APBA1: variants seen among roughly 807,000 people sequenced by gnomAD.
APBA1 encodes amyloid-beta A4 precursor protein-binding family A member 1.
APBA1 carries 55 observed loss-of-function variants against 86.6 expected under a neutral mutation model. The ratio of observed to expected loss-of-function variants is 0.64; its 90% CI spans 0.51 to 0.80. The LOEUF (loss-of-function observed/expected upper bound fraction) is 0.80. Ranked by LOEUF, APBA1 falls within the 30% of genes least tolerant of loss-of-function variation. The pLI, the probability that APBA1 is intolerant of heterozygous loss-of-function variation, is 0.00. For synonymous variants in APBA1, 511 were observed against 493.9 expected (o/e 1.03, Z -0.46); for missense variants, 1,090 against 1,183.0 (o/e 0.92, Z 1.15).
intron 1 of APBA1, among the ~76,000 whole-genome samples, chr9:69,606,165 C>T (rs1822467079): frequency 6.6e-6 from 1 of 152,374 alleles, no homozygotes; most frequent in South Asian, 2.1e-4. Flanking sequence ...AATATCAGTG[C>T]AGCCAAAGAG....
intron 1 of APBA1, among the ~76,000 whole-genome samples, chr9:69,583,217 G>A (rs1821950252): frequency 6.6e-6 from 1 of 152,198 alleles, no homozygotes; most frequent in Admixed American, 6.5e-5. Flanking sequence ...CATGCTGCTT[G>A]CAAGCAGTTG....
At chr9:69,669,730 C>T (rs1219837753) in intron 1 of APBA1, among the ~76,000 whole-genome samples, 1 of 152,144 alleles carries the variant, frequency 6.6e-6, no homozygotes, top group Admixed American at 6.5e-5. Flanking sequence ...GCTATGATCA[C>T]ACTACTGCAC....
intron 1 of APBA1, among the ~76,000 whole-genome samples, chr9:69,614,288 C>CT (rs1400624291): frequency 1.4e-4 from 21 of 152,244 alleles, no homozygotes; most frequent in Admixed American, 5.9e-4. Context: ...TTGAGACTTT[C>CT]TAGTCAGGCC....
chr9:69,572,626 C>T (rs1003301566), intron 1 of APBA1, among the ~76,000 whole-genome samples: 15 of 152,192 alleles, frequency 9.9e-5, no homozygotes, highest in South Asian at 2.1e-4. Context: ...CTTGTCTGGG[C>T]TAGGTGCCTG....
chr9:69,621,208 G>A (rs1430374866), intron 1 of APBA1, among the ~76,000 whole-genome samples: 1 of 152,186 alleles, frequency 6.6e-6, no homozygotes, highest in Non-Finnish European at 1.5e-5. Context: ...TGGCTGCCTG[G>A]CCATCTAGTC....
Position 69,669,426 on chromosome 9 carries a change from T to C in APBA1, c.-70+2727A>G, listed in dbSNP as rs575785126. On this transcript the variant is annotated intron_variant, in intron 1 of 12. Coordinates refer to ENST00000265381, the MANE Select transcript of APBA1 (RefSeq NM_001163.4). Reference sequence around the variant, plus strand: ...GCTCAATAATGGAAGAGAAAAGCACTGATGCTACTTTAAGTGAAGGAAAGG... The same window carrying C: ...GCTCAATAATGGAAGAGAAAAGCACCGATGCTACTTTAAGTGAAGGAAAGG... 4.6e-5 allele frequency among the ~76,000 whole-genome samples: 7 copies of C among 152,256 alleles called. No individual in the cohort carries two copies. In the East Asian group the frequency reaches 1.3e-3, roughly 29 times the overall value.
intron 1 of APBA1, among the ~76,000 whole-genome samples, chr9:69,660,510 T>C (rs1279024412): frequency 1.3e-5 from 2 of 152,208 alleles, no homozygotes; most frequent in Non-Finnish European, 2.9e-5. Context: ...TTGGTTTTGT[T>C]TGTCTGTTTG....
intron 1 of APBA1, among the ~76,000 whole-genome samples, chr9:69,548,489 G>A (rs1210284378): frequency 1.3e-5 from 2 of 152,206 alleles, no homozygotes; most frequent in Non-Finnish European, 2.9e-5. Flanking sequence ...GGTTGGCAGA[G>A]GCTGCAAGCT....
chr9:69,499,681 T>C (rs1178745292), intron 2 of APBA1, among the ~76,000 whole-genome samples: 1 of 131,804 alleles, frequency 7.6e-6, no homozygotes, highest in African/African-American at 2.7e-5. Flanking sequence ...AAAAAAAAAA[T>C]CCATGTCGGT....
At chr9:69,574,990 T>C (rs1180246064) in intron 1 of APBA1, among the ~76,000 whole-genome samples, 1 of 152,094 alleles carries the variant, frequency 6.6e-6, no homozygotes, top group East Asian at 1.9e-4. Flanking sequence ...TCTCAGCTCA[T>C]TGCAGCCCCT....
At chr9:69,658,536 G>C (rs965904457) in intron 1 of APBA1, among the ~76,000 whole-genome samples, 2 of 150,090 alleles carry the variant, frequency 1.3e-5, no homozygotes, top group African/African-American at 4.9e-5. Flanking sequence ...CTGAGTAGCT[G>C]GGATTACAGG....
At chr9:69,662,021 A>AACACACAC (rs3069250) in intron 1 of APBA1, among the ~76,000 whole-genome samples, 30 of 146,650 alleles carry the variant, frequency 2.0e-4, no homozygotes, top group African/African-American at 5.6e-4. Flanking sequence ...GACAAACAGT[A>AACACACAC]ACACACACAC....
In APBA1 at chr9:69,517,074, T is replaced by TGCTGCTGCTGCGGCG. The variant is rs773305897; in HGVS notation, c.122_136dup (p.Pro41_Gln45dup). The TGCTGCTGCTGCGGCG allele has an allele frequency of 5.0e-6, 8 of 1,584,394 alleles. No individual in the cohort carries two copies. The South Asian group carries it at 8.0e-5, about 16-fold the overall frequency. ...CCCGCGCTGGTGGCGGCCCACATAGTGCTGCTGCTGCGGCGGCTGCTGCTG... is the reference window on the plus strand; with the variant it reads ...CCCGCGCTGGTGGCGGCCCACATAGTGCTGCTGCTGCGGCGGCTGCTGCTGCGGCGGCTGCTGCTG... On this transcript the variant is annotated inframe_insertion, in exon 2 of 13. Transcript: ENST00000265381.
chr9:69,588,005 G>T (rs1822054547), intron 1 of APBA1, among the ~76,000 whole-genome samples: 1 of 122,826 alleles, frequency 8.1e-6, no homozygotes, highest in Non-Finnish European at 1.6e-5. Context: ...CAGCCTGGGT[G>T]ACAGAACAAG....
In APBA1 at chr9:69,449,672, C is replaced by T; in HGVS notation, c.2093G>A (p.Gly698Glu). The T allele has an allele frequency of 6.2e-7, 1 of 1,614,032 alleles. No homozygotes were observed. The highest frequency in any genetic ancestry group is 8.5e-7 in the Non-Finnish European group (1 of 1,180,018). ...MMHGGPAEKS[G>E]KLNIGDQIMS... The stretch of plus-strand genomic sequence containing the variant: ...GATCTGGTCACCGATATTCAGCTTC[C>T]CAGATTTCTCCGCAGGGCCACCATG... Residue 698 changes from glycine to glutamate, a missense_variant, in exon 10 of 13, where the codon GGG becomes GAG. Gly to Glu is a moderately conservative substitution (Grantham distance 98). This residue lies in a region of APBA1 where 97 missense variants were observed against 166.8 expected (regional missense o/e 0.58). Coordinates refer to ENST00000265381, the MANE Select transcript of APBA1 (RefSeq NM_001163.4).
intron 1 of APBA1, among the ~76,000 whole-genome samples, chr9:69,657,834 T>G (rs994527420): frequency 8.5e-5 from 13 of 152,260 alleles, no homozygotes; most frequent in African/African-American, 3.1e-4. Context: ...TTATATATTT[T>G]TAATCTTTTC....
chr9:69,565,797 G>T lies in APBA1; in HGVS notation c.-69-48518C>A, dbSNP rs180769359. 1.2e-3 allele frequency among the ~76,000 whole-genome samples: 179 copies of T among 152,156 alleles called. 1 individual carries two copies. Among genetic ancestry groups the T allele is most frequent in the African/African-American group, 4.1e-3 (172 of 41,524 alleles). On this transcript the variant is annotated intron_variant, in intron 1 of 12. Coordinates refer to ENST00000265381, the MANE Select transcript of APBA1 (RefSeq NM_001163.4). ...CTAGGCCTTGGCATGAGTCCTTACC[G>T]TTCTCCTCCCCTGTCTTTGCTTTTT...
chr9:69,615,146 G>A (rs967355827), intron 1 of APBA1, among the ~76,000 whole-genome samples: 1 of 152,190 alleles, frequency 6.6e-6, no homozygotes, highest in African/African-American at 2.4e-5. Context: ...GTTGCAGTGA[G>A]CCGAGATCAC....
At chr9:69,520,941 C>T (rs1836241598) in intron 1 of APBA1, among the ~76,000 whole-genome samples, 1 of 152,168 alleles carries the variant, frequency 6.6e-6, no homozygotes, top group Admixed American at 6.5e-5. Context: ...TTAAAAAATA[C>T]AAATCTGAAT....
Sources: allele counts gnomAD v4.1 joint callset (sites outside exome capture counted in the v4.1 genomes callset), GRCh38; gene constraint gnomAD v4.1.1; regional missense constraint gnomAD v4.1.1; transcripts MANE v1.5; gene names NCBI Gene and HGNC (gene_info 2026-07-23, HGNC 2026-07-21).